DNAJC15: variants seen among roughly 807,000 people sequenced by gnomAD.
The protein encoded by DNAJC15 is DnaJ heat shock protein family (Hsp40) member C15.
A neutral mutation model predicts 22.4 loss-of-function variants in DNAJC15; 27 were observed. That is an observed-to-expected ratio of 1.20 (90% CI 0.89 to 1.66). DNAJC15 has a LOEUF of 1.66. DNAJC15 is among the 40% of genes most tolerant of loss of function. The probability of loss-of-function intolerance (pLI) is 0.00; values close to 1 mark genes in which losing one functional copy is unlikely to be tolerated. For missense variants in DNAJC15, 208 were observed against 187.1 expected (o/e 1.11, Z -0.65); for synonymous variants, 79 against 63.2 (o/e 1.25, Z -1.19).
intron 1 of DNAJC15, among the ~76,000 whole-genome samples, chr13:43,054,543 T>C (rs1231547706): frequency 1.3e-5 from 2 of 152,218 alleles, no homozygotes; most frequent in African/African-American, 4.8e-5. Flanking sequence ...TGGACTTTTT[T>C]TTGTTGACAG....
chr13:43,034,803 G>T (rs79414850), intron 1 of DNAJC15, among the ~76,000 whole-genome samples: 25,339 of 151,934 alleles, frequency 0.17, 2,643 homozygotes, highest in Non-Finnish European at 0.24. Flanking sequence ...CGTTGTGGGG[G>T]TTTTTTTGAG....
chr13:43,056,291 A>G (rs975883011), intron 1 of DNAJC15, among the ~76,000 whole-genome samples: 10 of 151,922 alleles, frequency 6.6e-5, no homozygotes, highest in Non-Finnish European at 1.0e-4. Context: ...GGCATGCACC[A>G]CCACGCCTGG....
chr13:43,029,344 T>A (rs2040394426), intron 1 of DNAJC15, among the ~76,000 whole-genome samples: 1 of 152,350 alleles, frequency 6.6e-6, no homozygotes, highest in East Asian at 1.9e-4. Context: ...GAAGAATACT[T>A]TTTTTCTTCT....
At chr13:43,058,191 T>C (rs1474148395) in intron 1 of DNAJC15, among the ~76,000 whole-genome samples, 1 of 152,184 alleles carries the variant, frequency 6.6e-6, no homozygotes, top group Non-Finnish European at 1.5e-5. Flanking sequence ...TGAGTTGCTA[T>C]AATGGCTTGA....
At position 43,098,675 on chromosome 13, in the gene DNAJC15, A is replaced by G. The variant is rs145419848; in HGVS notation, c.383-8503A>G. On this transcript the variant is annotated intron_variant, in intron 5 of 5. Transcript: ENST00000379221. ...TCGCACTCAATTTTGGAACATTTTG[A>G]TCACCTCAGGAAGAAACCCCTTTAG... Among the ~76,000 whole-genome samples, 1,120 of 152,280 alleles carry G rather than the reference A, an allele frequency of 7.4e-3. 5 individuals are homozygous for G. Among genetic ancestry groups the G allele is most frequent in the African/African-American group, 0.025 (1,054 of 41,576 alleles).
In DNAJC15 at chr13:43,034,529, A is replaced by C. The variant is rs200809472; in HGVS notation, c.108+10795A>C. Among the ~76,000 whole-genome samples the C allele has an allele frequency of 1.8e-4, 28 of 151,612 alleles. No homozygotes were observed. The East Asian group carries it at 3.1e-3, about 17-fold the overall frequency. ...ACGGGGTTTCCCCGTGTTAGCCAGG[A>C]TGGTCTTGTTCTCCTGACCTAGTGA... On this transcript the variant is annotated intron_variant, in intron 1 of 5. Transcript: ENST00000379221.
chr13:43,086,267 A>G (rs1166643036), intron 5 of DNAJC15, among the ~76,000 whole-genome samples: 1 of 152,206 alleles, frequency 6.6e-6, no homozygotes, highest in East Asian at 1.9e-4. Context: ...TCTGAATTTT[A>G]TTCTGGAAGG....
chr13:43,076,678 G>A, intron 3 of DNAJC15, among the ~76,000 whole-genome samples: 1 of 152,066 alleles, frequency 6.6e-6, no homozygotes, highest in East Asian at 1.9e-4. Flanking sequence ...CCTCCTAAAA[G>A]CTAAGTTTAT....
At chr13:43,036,906 G>C (rs139633002) in intron 1 of DNAJC15, among the ~76,000 whole-genome samples, 2,056 of 152,374 alleles carry the variant, frequency 0.013, 42 homozygotes, top group African/African-American at 0.046. Flanking sequence ...AGTGGATGCC[G>C]TGAGTCGGGA....
intron 4 of DNAJC15, 74 bp downstream of exon 4, chr13:43,078,762 A>C (rs1326218446): frequency 7.3e-7 from 1 of 1,374,356 alleles, no homozygotes; most frequent in Non-Finnish European, 1.0e-6. Context: ...CGTTACAATA[A>C]GGTTATACTT....
intron 1 of DNAJC15, among the ~76,000 whole-genome samples, chr13:43,027,822 A>G (rs1476161990): frequency 2.0e-5 from 3 of 151,996 alleles, no homozygotes; most frequent in African/African-American, 7.2e-5. Context: ...ACGCCCAGCT[A>G]ATTTTTGTAT....
At chr13:43,038,846 C>A (rs2040440869) in intron 1 of DNAJC15, among the ~76,000 whole-genome samples, 2 of 146,692 alleles carry the variant, frequency 1.4e-5, no homozygotes, top group Admixed American at 6.8e-5. Context: ...GGAAGGGAGA[C>A]CAAAGAAAAT....
At position 43,052,444 on chromosome 13, in the gene DNAJC15, T is replaced by C. The variant is rs567277478; in HGVS notation, c.109-13242T>C. 2.0e-5 allele frequency among the ~76,000 whole-genome samples: 3 copies of C among 150,960 alleles called. No homozygotes were observed. In the South Asian group the frequency reaches 6.3e-4, roughly 32 times the overall value. On this transcript the variant is annotated intron_variant, in intron 1 of 5. Coordinates refer to ENST00000379221, the MANE Select transcript of DNAJC15 (RefSeq NM_013238.3). ...GCCCACTTTTTTTTTTGAGACAGAG[T>C]CTCACTCTTGTCACTCAGGCTGGAG... is the stretch of plus-strand genomic sequence containing the variant.
chr13:43,052,247 G>A (rs2040508582), intron 1 of DNAJC15, among the ~76,000 whole-genome samples: 1 of 152,062 alleles, frequency 6.6e-6, no homozygotes, highest in African/African-American at 2.4e-5. Context: ...ACAGGTGTGA[G>A]CCACCACGCC....
At chr13:43,029,190 C>T (rs982662326) in intron 1 of DNAJC15, among the ~76,000 whole-genome samples, 17 of 152,156 alleles carry the variant, frequency 1.1e-4, no homozygotes, top group Non-Finnish European at 4.4e-5. Context: ...CTGCTTTTTC[C>T]CCAGAACTTA....
At chr13:43,063,072 C>T (rs2040566438) in intron 1 of DNAJC15, among the ~76,000 whole-genome samples, 1 of 152,058 alleles carries the variant, frequency 6.6e-6, no homozygotes, top group African/African-American at 2.4e-5. Flanking sequence ...TGCAGTGGCA[C>T]AATCTCAGCT....
intron 5 of DNAJC15, among the ~76,000 whole-genome samples, chr13:43,106,264 A>T (rs2040796512): frequency 6.6e-6 from 1 of 152,208 alleles, no homozygotes; most frequent in Non-Finnish European, 1.5e-5. Flanking sequence ...AAACACAAAG[A>T]GACTGGTGAG....
At chr13:43,045,667 CGT>C (rs1415182775) in intron 1 of DNAJC15, among the ~76,000 whole-genome samples, 1 of 152,120 alleles carries the variant, frequency 6.6e-6, no homozygotes, top group Non-Finnish European at 1.5e-5. Context: ...CAGGCTCGGG[CGT>C]GGTTTTGGGC....
rs543735337 is a variant in DNAJC15 at position 43,111,839 on chromosome 13, G to A, written c.*4591G>A. 1 of 152,218 alleles carries A rather than the reference G, an allele frequency of 6.6e-6. No individual in the cohort carries two copies. The highest frequency in any genetic ancestry group is 2.4e-5 in the African/African-American group (1 of 41,516). 9.4% of individuals were successfully genotyped at this position (152,218 alleles called of 1,614,324 possible). Reference sequence around the variant, plus strand: ...TTCTAATGGAAAAGCAACCCAAAGAGCAAATCCTATTAATGGCTGGATCAG... The same window carrying A: ...TTCTAATGGAAAAGCAACCCAAAGAACAAATCCTATTAATGGCTGGATCAG... On this transcript the variant is annotated 3_prime_UTR_variant, in exon 6 of 6. Coordinates refer to ENST00000379221, the MANE Select transcript of DNAJC15 (RefSeq NM_013238.3).
Sources: allele counts gnomAD v4.1 joint callset (sites outside exome capture counted in the v4.1 genomes callset), GRCh38; gene constraint gnomAD v4.1.1; transcripts MANE v1.5; gene names NCBI Gene and HGNC (gene_info 2026-07-23, HGNC 2026-07-21).